Variants in SLC28A1 observed in about 807,000 individuals in gnomAD.
SLC28A1 encodes solute carrier family 28 member 1.
A neutral mutation model predicts 74.8 loss-of-function variants in SLC28A1; 64 were observed. That is an observed-to-expected ratio of 0.86 (90% confidence interval 0.70 to 1.05). The LOEUF is 1.05. SLC28A1 is among the 50% of genes least tolerant of loss of function. The pLI, the probability that SLC28A1 is intolerant of heterozygous loss-of-function variation, is 0.00. For synonymous variants in SLC28A1, 359 were observed against 335.0 expected (o/e 1.07, Z -0.78); for missense variants, 828 against 822.8 (o/e 1.01, Z -0.08).
At chr15:84,910,592 G>A (rs35075172) in intron 9 of SLC28A1, among the ~76,000 whole-genome samples, 4 of 152,176 alleles carry the variant, frequency 2.6e-5, no homozygotes, top group Non-Finnish European at 4.4e-5. Context: ...GCCAAGTGTG[G>A]TGGTGCATGC....
intron 9 of SLC28A1, 37 bp downstream of exon 9, chr15:84,908,832 C>T (rs201798100): frequency 3.7e-5 from 58 of 1,554,034 alleles, no homozygotes; most frequent in Admixed American, 1.7e-5. Context: ...CCTTTAGCAG[C>T]CACCGCCCAG....
chr15:84,895,223 T>C lies in SLC28A1; in HGVS notation c.461+100T>C, dbSNP rs941080900. On this transcript the variant is annotated intron_variant, in intron 6 of 18. Transcript: ENST00000394573. ...CAGGGCTGGAGGAGGAGGAAGGCTC[T>C]GTGTCATGGAGAACTCTCTGGCGCC... The C allele has an allele frequency of 4.4e-6, 7 of 1,579,936 alleles. No individual in the cohort carries two copies. The African/African-American group carries it at 8.1e-5, about 18-fold the overall frequency.
Position 84,945,086 on chromosome 15 carries a change from G to T in SLC28A1, c.1875-39G>T, listed in dbSNP as rs17216023. The stretch of plus-strand genomic sequence containing the variant: ...AGCCTGGTGGTGGCCCGCAGAACCA[G>T]GCCTGGAGCTCCCACTGCGATCTTT... On this transcript the variant is annotated intron_variant, in intron 18 of 18. Coordinates refer to ENST00000394573, the MANE Select transcript of SLC28A1 (RefSeq NM_004213.5). 8.1e-3 allele frequency: 12,973 copies of T among 1,594,692 alleles called. 686 individuals carry two copies. The African/African-American group carries it at 0.13, about 16-fold the overall frequency.
At chr15:84,954,423 T>C in the SLC28A1 span, among the ~76,000 whole-genome samples, 3 of 152,214 alleles carry the variant, frequency 2.0e-5, no homozygotes, top group Middle Eastern at 3.2e-3. Context: ...ATAGAAATAA[T>C]GGAAATGTAG....
chr15:84,893,797 G>A (rs1444117796), intron 5 of SLC28A1, among the ~76,000 whole-genome samples: 1 of 152,122 alleles, frequency 6.6e-6, no homozygotes, highest in Non-Finnish European at 1.5e-5. Flanking sequence ...TGCTTGCCAC[G>A]CACCACACGG....
chr15:84,962,072 T>G, the SLC28A1 span, among the ~76,000 whole-genome samples: 6 of 152,124 alleles, frequency 3.9e-5, no homozygotes, highest in African/African-American at 1.2e-4. Flanking sequence ...AATTTTTTTT[T>G]AAATTTCTTA....
chr15:84,935,458 C>T lies in SLC28A1; in HGVS notation c.1521C>T (p.Tyr507=), dbSNP rs1026751459. ...EFVAYQDLSK[Y]KQRRLAGAEE... ...TGGCCTATCAAGACCTCTCCAAGTA[C>T]AAGCAACGCCGCCTGGCAGGGGCCG... Residue 507 remains tyrosine (Y), a synonymous_variant, in exon 15 of 19, where the codon TAC becomes TAT. Transcript: ENST00000394573. 2 of 1,614,092 alleles carry T rather than the reference C, an allele frequency of 1.2e-6. No homozygotes were observed. The highest frequency in any genetic ancestry group is 1.7e-6 in the Non-Finnish European group (2 of 1,180,030).
chr15:84,942,147 A>G (rs1241399472), intron 15 of SLC28A1, among the ~76,000 whole-genome samples: 3 of 152,080 alleles, frequency 2.0e-5, no homozygotes, highest in South Asian at 4.1e-4. Context: ...ATAATTTTTA[A>G]TTTTTGTGGG....
At chr15:84,908,602 A>T in intron 8 of SLC28A1, 116 bp from the exon 9 acceptor site, 1 of 820,406 alleles carries the variant, frequency 1.2e-6, no homozygotes, top group Non-Finnish European at 2.1e-6. Context: ...CCCCCGGATA[A>T]GGGCCTGGGG....
rs142214175 is a variant in SLC28A1 at position 84,925,555 on chromosome 15, G to A, written c.1083+1445G>A. 8.5e-5 allele frequency among the ~76,000 whole-genome samples: 13 copies of A among 152,140 alleles called. No homozygotes were observed. The South Asian group carries it at 1.0e-3, about 12-fold the overall frequency. Reference sequence around the variant, plus strand: ...GCGGAGGTTGCAGTGAACTGAGATCGCACCACTGCACAGTAGCCTGGGCAA... The same window carrying A: ...GCGGAGGTTGCAGTGAACTGAGATCACACCACTGCACAGTAGCCTGGGCAA... On this transcript the variant is annotated intron_variant, in intron 12 of 18. Coordinates refer to ENST00000394573, the MANE Select transcript of SLC28A1 (RefSeq NM_004213.5).
At chr15:84,904,639 C>T (rs570354790) in intron 7 of SLC28A1, among the ~76,000 whole-genome samples, 1 of 152,290 alleles carries the variant, frequency 6.6e-6, no homozygotes, top group African/African-American at 2.4e-5. Context: ...AAAGTCTGCT[C>T]CCCAGTCCAG....
intron 6 of SLC28A1, among the ~76,000 whole-genome samples, chr15:84,902,886 C>A (rs898302799): frequency 2.6e-5 from 4 of 152,088 alleles, no homozygotes; most frequent in Admixed American, 2.6e-4. Flanking sequence ...CCCACTGCCA[C>A]GCTCGGCTAA....
the SLC28A1 span, among the ~76,000 whole-genome samples, chr15:84,971,190 A>G: frequency 6.6e-6 from 1 of 152,252 alleles, no homozygotes; most frequent in Non-Finnish European, 1.5e-5. Context: ...TGGAAACCAC[A>G]GAGATATTTC....
At chr15:84,906,573 T>TCTTCCTTC (rs71135327) in intron 8 of SLC28A1, among the ~76,000 whole-genome samples, 4 of 97,974 alleles carry the variant, frequency 4.1e-5, no homozygotes, top group African/African-American at 1.1e-4. Flanking sequence ...TCTCTTTCTT[T>TCTTCCTTC]CTTCCTTCCT....
intron 15 of SLC28A1, among the ~76,000 whole-genome samples, chr15:84,939,374 G>A (rs944226634): frequency 9.9e-5 from 15 of 151,788 alleles, no homozygotes; most frequent in African/African-American, 3.6e-4. Flanking sequence ...GGGACAGAGG[G>A]AGGGAGGGAA....
the SLC28A1 span, among the ~76,000 whole-genome samples, chr15:84,960,228 C>CTTT: frequency 3.4e-4 from 29 of 85,578 alleles, 1 homozygote; most frequent in Non-Finnish European, 4.2e-4. Context: ...TGCCTGCCTG[C>CTTT]TTTTTTTTTT....
At chr15:84,890,330 T>G in intron 4 of SLC28A1, 113 bp from the exon 5 acceptor site, 1 of 776,748 alleles carries the variant, frequency 1.3e-6, no homozygotes, top group Non-Finnish European at 2.2e-6. Context: ...AGGCAAGCCC[T>G]GGCTTGCCCC....
intron 8 of SLC28A1, among the ~76,000 whole-genome samples, chr15:84,906,232 C>A (rs994173007): frequency 2.0e-5 from 3 of 150,334 alleles, no homozygotes; most frequent in African/African-American, 7.3e-5. Flanking sequence ...GTTGGCCAGG[C>A]TGGTCTCGAA....
At position 84,918,598 on chromosome 15, in the gene SLC28A1, C is replaced by A; in HGVS notation, c.870C>A (p.Ile290=). 6.2e-7 allele frequency: 1 copy of A among 1,611,962 alleles called. No individual in the cohort carries two copies. Among genetic ancestry groups the A allele is most frequent in the Non-Finnish European group, 8.5e-7 (1 of 1,178,086 alleles). Residue 290 remains isoleucine, a synonymous_variant, in exon 10 of 19, where the codon ATC becomes ATA. Coordinates refer to ENST00000394573, the MANE Select transcript of SLC28A1 (RefSeq NM_004213.5). ...LYHVGLMQWV[I]LKIAWLMQVT... ...ACGTGGGCCTCATGCAGTGGGTGATCCTGAAGGTAAGTTCCCAGTGCCCAT... is the reference window on the plus strand; with the variant it reads ...ACGTGGGCCTCATGCAGTGGGTGATACTGAAGGTAAGTTCCCAGTGCCCAT...
Sources: gnomAD v4.1 joint callset for allele counts (sites outside exome capture counted in the v4.1 genomes callset) on GRCh38, gnomAD v4.1.1 for gene constraint, MANE v1.5 for transcripts, NCBI Gene and HGNC (gene_info 2026-07-23, HGNC 2026-07-21) for gene names.